FRMD4A: variants seen among roughly 807,000 people sequenced by gnomAD.
FRMD4A encodes the protein FERM domain containing 4A, also known as FERM domain-containing protein 4A.
Under a neutral mutation model 129.1 loss-of-function variants are expected in FRMD4A, and 29 were observed. The observed-to-expected ratio is 0.22, with a 90% CI of 0.17 to 0.31. The LOEUF is 0.31. FRMD4A is among the 10% of genes least tolerant of loss of function. The pLI is 1.00. For missense variants in FRMD4A, 1,272 were observed against 1,375.8 expected (o/e 0.92, Z 1.19); for synonymous variants, 634 against 571.6 (o/e 1.11, Z -1.56).
chr10:14,166,426 A>G (rs1357309914), intron 2 of FRMD4A, among the ~76,000 whole-genome samples: 1 of 152,236 alleles, frequency 6.6e-6, no homozygotes, highest in African/African-American at 2.4e-5. Context: ...AAGTAAGTGA[A>G]AATAAAGTCA....
At chr10:14,077,195 C>T (rs376728947) in intron 2 of FRMD4A, among the ~76,000 whole-genome samples, 1 of 152,220 alleles carries the variant, frequency 6.6e-6, no homozygotes. Context: ...ATGCTACTTG[C>T]AACCAAGGAT....
intron 2 of FRMD4A, among the ~76,000 whole-genome samples, chr10:14,048,830 TAGAATAGAATAGAATAGAA>T (rs1393368170): frequency 3.3e-3 from 10 of 3,032 alleles, no homozygotes; most frequent in African/African-American, 0.016. Flanking sequence ...TAGATTAGAA[TAGAATAGAATAGAATAGAA>T]TAGAATAGAA....
At chr10:14,279,840 T>C (rs1845460674) in intron 2 of FRMD4A, among the ~76,000 whole-genome samples, 3 of 152,244 alleles carry the variant, frequency 2.0e-5, no homozygotes, top group South Asian at 2.1e-4. Flanking sequence ...TTATTCAAAA[T>C]GACAAGTCTT....
intron 2 of FRMD4A, among the ~76,000 whole-genome samples, chr10:14,176,565 C>G (rs1186009189): frequency 6.6e-6 from 1 of 150,768 alleles, no homozygotes; most frequent in Non-Finnish European, 1.5e-5. Flanking sequence ...ATCTCCGCCT[C>G]CCAGGTTCAT....
At chr10:14,271,257 A>C (rs944436970) in intron 2 of FRMD4A, among the ~76,000 whole-genome samples, 1 of 152,242 alleles carries the variant, frequency 6.6e-6, no homozygotes, top group Non-Finnish European at 1.5e-5. Context: ...TCCACAGTAC[A>C]TCACTATACA....
intron 2 of FRMD4A, among the ~76,000 whole-genome samples, chr10:13,924,930 G>T (rs2095113466): frequency 6.6e-6 from 1 of 151,958 alleles, no homozygotes; most frequent in African/African-American, 2.4e-5. Flanking sequence ...TAGGCGTGGT[G>T]GCGGGCGCCT....
intron 2 of FRMD4A, among the ~76,000 whole-genome samples, chr10:14,243,147 C>A (rs181766642): frequency 1.3e-5 from 2 of 152,170 alleles, no homozygotes; most frequent in Admixed American, 1.3e-4. Context: ...TGCTACAACA[C>A]AAATAAACCT....
chr10:14,038,486 T>G (rs933006598), intron 2 of FRMD4A, among the ~76,000 whole-genome samples: 3 of 152,150 alleles, frequency 2.0e-5, no homozygotes, highest in Non-Finnish European at 4.4e-5. Context: ...TTCATCCAAA[T>G]ATTCCTCTTA....
At chr10:13,781,106 C>T (rs1232029782) in intron 6 of FRMD4A, among the ~76,000 whole-genome samples, 1 of 151,912 alleles carries the variant, frequency 6.6e-6, no homozygotes, top group African/African-American at 2.4e-5. Flanking sequence ...AGTTTGAGAC[C>T]AGCCTGGCCA....
intron 12 of FRMD4A, among the ~76,000 whole-genome samples, chr10:13,728,863 T>G (rs970329551): frequency 4.3e-4 from 65 of 152,230 alleles, no homozygotes; most frequent in Non-Finnish European, 7.9e-4. Flanking sequence ...TGAGCCACCG[T>G]GCCCAGCCGA....
At chr10:13,977,139 G>A (rs2095544762) in intron 2 of FRMD4A, among the ~76,000 whole-genome samples, 1 of 152,218 alleles carries the variant, frequency 6.6e-6, no homozygotes, top group African/African-American at 2.4e-5. Context: ...GGGAAAGGCA[G>A]ATATGCACTC....
chr10:14,208,792 G>A (rs1842856746), intron 2 of FRMD4A, among the ~76,000 whole-genome samples: 1 of 152,152 alleles, frequency 6.6e-6, no homozygotes, highest in African/African-American at 2.4e-5. Flanking sequence ...ACCTGTATCT[G>A]TCCCATGCCT....
At chr10:14,125,650 G>A (rs1838790220) in intron 2 of FRMD4A, among the ~76,000 whole-genome samples, 1 of 152,140 alleles carries the variant, frequency 6.6e-6, no homozygotes, top group Non-Finnish European at 1.5e-5. Flanking sequence ...CTGCAAATGT[G>A]TATCTACCAC....
chr10:13,707,859 C>A, intron 12 of FRMD4A: 2 of 985,258 alleles, frequency 2.0e-6, no homozygotes, highest in Non-Finnish European at 2.4e-6. Flanking sequence ...GGGGCCCTGG[C>A]GGTCATTCCT....
chr10:14,024,343 C>G (rs1447839515), intron 2 of FRMD4A, among the ~76,000 whole-genome samples: 1 of 152,200 alleles, frequency 6.6e-6, no homozygotes, highest in East Asian at 1.9e-4. Flanking sequence ...ATAGGAAAAG[C>G]CTTTACTTAC....
intron 2 of FRMD4A, among the ~76,000 whole-genome samples, chr10:14,321,336 T>C (rs528190705): frequency 6.8e-6 from 1 of 147,952 alleles, no homozygotes; most frequent in East Asian, 2.0e-4. Context: ...ATGAATTATA[T>C]ATATGAATGA....
At chr10:13,663,919 G>A (rs948647963) in intron 18 of FRMD4A, among the ~76,000 whole-genome samples, 2 of 152,216 alleles carry the variant, frequency 1.3e-5, no homozygotes, top group Admixed American at 1.3e-4. Flanking sequence ...AACCAGGGTA[G>A]GCACTTTGCT....
rs999052455 is a variant in FRMD4A at position 14,102,005 on chromosome 10, G to A, written c.45+228053C>T. 4.6e-5 allele frequency among the ~76,000 whole-genome samples: 7 copies of A among 152,232 alleles called. No individual in the cohort carries two copies. In the South Asian group the frequency reaches 6.2e-4, roughly 14 times the overall value. On this transcript the variant is annotated intron_variant, in intron 2 of 24. Coordinates refer to ENST00000357447, the MANE Select transcript of FRMD4A (RefSeq NM_018027.5). ...CTTTTACTGGATTTAAGTCCAACCC[G>A]TAGACTACCATGCTTTTTGGGAATA...
chr10:14,151,058 A>C (rs1840314890), intron 2 of FRMD4A, among the ~76,000 whole-genome samples: 1 of 152,162 alleles, frequency 6.6e-6, no homozygotes, highest in Non-Finnish European at 1.5e-5. Flanking sequence ...TGACTTCTTG[A>C]TTCCAAGCTC....
Sources: gnomAD v4.1 joint callset for allele counts (sites outside exome capture counted in the v4.1 genomes callset) on GRCh38, gnomAD v4.1.1 for gene constraint, MANE v1.5 for transcripts, NCBI Gene and HGNC (gene_info 2026-07-23, HGNC 2026-07-21) for gene names.